The following NUP214 variants were observed in gnomAD, a reference collection of about 807,000 sequenced individuals.
The protein encoded by NUP214 is nucleoporin 214, also known as nuclear pore complex protein Nup214.
Under a neutral mutation model 196.2 loss-of-function variants are expected in NUP214, and 79 were observed. That is an observed-to-expected ratio of 0.40 (90% CI 0.34 to 0.49). The LOEUF is 0.49. NUP214 is among the 20% of genes least tolerant of loss of function. The probability of loss-of-function intolerance (pLI) is 0.58; values close to 1 mark genes in which losing one functional copy is unlikely to be tolerated. For synonymous variants in NUP214, 1,020 were observed against 990.5 expected (o/e 1.03, Z -0.56); for missense variants, 2,468 against 2,539.0 (o/e 0.97, Z 0.60).
chr9:131,150,595 C>T (rs749653442), intron 15 of NUP214, 21 bp from the exon 16 acceptor site: 16 of 1,608,794 alleles, frequency 9.9e-6, no homozygotes, highest in Middle Eastern at 1.7e-4. Flanking sequence ...CTGAGTAGTT[C>T]CTCACTTGTG....
chr9:131,153,772 G>A (rs905535626), intron 17 of NUP214, among the ~76,000 whole-genome samples: 4 of 152,192 alleles, frequency 2.6e-5, no homozygotes, highest in Non-Finnish European at 5.9e-5. Flanking sequence ...CCTTGAACCT[G>A]GGCAGTCTGA....
chr9:131,155,022 G>A (rs937247910), intron 17 of NUP214, among the ~76,000 whole-genome samples: 10 of 152,202 alleles, frequency 6.6e-5, no homozygotes, highest in Non-Finnish European at 1.5e-4. Context: ...TAGTAGGATT[G>A]CTGGATCAAA....
At chr9:131,226,402 T>C (rs913490622) in intron 32 of NUP214, among the ~76,000 whole-genome samples, 1 of 152,128 alleles carries the variant, frequency 6.6e-6, no homozygotes, top group African/African-American at 2.4e-5. Context: ...CCAGGTGTGT[T>C]GTTTGGGGGC....
At chr9:131,133,471 AT>A (rs532268977) in intron 7 of NUP214, among the ~76,000 whole-genome samples, 180 of 145,448 alleles carry the variant, frequency 1.2e-3, no homozygotes, top group Middle Eastern at 3.6e-3. Context: ...TGCCTGGCTA[AT>A]TTTTTTTTTT....
At chr9:131,213,349 AT>A (rs1834300606) in intron 30 of NUP214, among the ~76,000 whole-genome samples, 1 of 151,912 alleles carries the variant, frequency 6.6e-6, no homozygotes, top group Non-Finnish European at 1.5e-5. Context: ...CTAATTTTGT[AT>A]TTTTAGTAGA....
At chr9:131,230,179 C>T (rs547545511) in intron 33 of NUP214, 1 of 180,198 alleles carries the variant, frequency 5.5e-6, no homozygotes, top group Admixed American at 5.5e-5. Context: ...AATACAAAAT[C>T]CTGAATGAAA....
In NUP214 at chr9:131,144,543, T is replaced by C; in HGVS notation, c.1558T>C (p.Phe520Leu). Residue 520 changes from phenylalanine to leucine, a missense_variant, in exon 12 of 36, where the codon TTC (phenylalanine) becomes CTC (leucine). This residue lies in a region of NUP214 where 1,801 missense variants were observed against 1,779.4 expected (regional missense o/e 1.01). Transcript: ENST00000359428. ...KAAPGPGPST[F>L]SFVPPSKASL... ...AGCCCCAGGCCCTGGCCCATCAACCTTCTCTTTTGTTCCCCCTTCTAAAGC... is the reference window on the plus strand; with the variant it reads ...AGCCCCAGGCCCTGGCCCATCAACCCTCTCTTTTGTTCCCCCTTCTAAAGC... 3 of 1,614,108 alleles carry C rather than the reference T, an allele frequency of 1.9e-6. No individual in the cohort carries two copies. Among genetic ancestry groups the C allele is most frequent in the Non-Finnish European group, 2.5e-6 (3 of 1,180,008 alleles).
At chr9:131,128,032 A>C (rs575676711) in intron 2 of NUP214, among the ~76,000 whole-genome samples, 2 of 152,306 alleles carry the variant, frequency 1.3e-5, no homozygotes, top group East Asian at 1.9e-4. Context: ...TTCAGTTGGC[A>C]CAACAGTATG....
chr9:131,142,244 G>C (rs1250054735), intron 11 of NUP214, among the ~76,000 whole-genome samples: 2 of 152,186 alleles, frequency 1.3e-5, no homozygotes, highest in Non-Finnish European at 2.9e-5. Flanking sequence ...GGAGCCTCTG[G>C]GATGGGACGA....
At chr9:131,167,883 C>T (rs1471903742) in intron 21 of NUP214, among the ~76,000 whole-genome samples, 1 of 152,008 alleles carries the variant, frequency 6.6e-6, no homozygotes, top group East Asian at 1.9e-4. Context: ...AACAGAAGTT[C>T]GTTTTTGTTT....
At chr9:131,132,512 A>G (rs1831587380) in intron 5 of NUP214, 84 bp from the exon 6 acceptor site, 2 of 1,185,772 alleles carry the variant, frequency 1.7e-6, no homozygotes, top group Non-Finnish European at 2.5e-6. Flanking sequence ...GGTAGCATCT[A>G]AGGAATAGAT....
intron 16 of NUP214, among the ~76,000 whole-genome samples, chr9:131,151,012 T>C (rs1391574142): frequency 6.6e-6 from 1 of 152,236 alleles, no homozygotes; most frequent in Non-Finnish European, 1.5e-5. Flanking sequence ...TAAGATGGAC[T>C]AAGTTTCTAT....
chr9:131,188,145 C>T (rs1011248077), intron 25 of NUP214, among the ~76,000 whole-genome samples: 4 of 152,138 alleles, frequency 2.6e-5, no homozygotes, highest in African/African-American at 9.7e-5. Context: ...GTCCATTGCT[C>T]GTTTCACTAC....
chr9:131,210,935 C>CTT (rs1834224443), intron 30 of NUP214, among the ~76,000 whole-genome samples: 1 of 152,142 alleles, frequency 6.6e-6, no homozygotes, highest in Non-Finnish European at 1.5e-5. Flanking sequence ...ACAATGAATA[C>CTT]TATAAAACAT....
At chr9:131,133,873 T>G (rs548754808) in intron 7 of NUP214, among the ~76,000 whole-genome samples, 6 of 152,350 alleles carry the variant, frequency 3.9e-5, no homozygotes, top group African/African-American at 1.4e-4. Context: ...TAGGCACTGC[T>G]TTAAAGCTGA....
At chr9:131,231,050 T>G (rs547541081) in intron 34 of NUP214, among the ~76,000 whole-genome samples, 120 of 152,198 alleles carry the variant, frequency 7.9e-4, no homozygotes, top group African/African-American at 2.7e-3. Flanking sequence ...TGGTCCCAGC[T>G]ACTCGGGAGG....
Position 131,133,019 on chromosome 9 carries a change from A to G in NUP214, c.728-87A>G, listed in dbSNP as rs62580390. 3.6e-3 allele frequency: 3,436 copies of G among 955,802 alleles called. 11 individuals carry two copies. The highest frequency in any genetic ancestry group is 4.9e-3 in the Non-Finnish European group (2,906 of 595,222). The allele number at this position is 955,802 out of a possible 1,614,324, so 59.2% of individuals were successfully genotyped here. On this transcript the variant is annotated intron_variant, in intron 6 of 35. Coordinates refer to ENST00000359428, the MANE Select transcript of NUP214 (RefSeq NM_005085.4). Reference sequence around the variant, plus strand: ...AGGGCCTTTGATTTTTTTTTTATCCATAGTGGCTATTCCAAACATAAGCTG... The same window carrying G: ...AGGGCCTTTGATTTTTTTTTTATCCGTAGTGGCTATTCCAAACATAAGCTG...
intron 32 of NUP214, among the ~76,000 whole-genome samples, chr9:131,223,884 G>A (rs1222497998): frequency 8.0e-5 from 12 of 150,306 alleles, no homozygotes; most frequent in African/African-American, 2.4e-4. Context: ...ACAGGCGCCC[G>A]CCACCACGCC....
At chr9:131,161,781 A>G (rs1832643619) in intron 18 of NUP214, among the ~76,000 whole-genome samples, 1 of 152,178 alleles carries the variant, frequency 6.6e-6, no homozygotes, top group African/African-American at 2.4e-5. Context: ...CGATTTTGTC[A>G]TTATATGATC....
Sources: allele counts gnomAD v4.1 joint callset (sites outside exome capture counted in the v4.1 genomes callset), GRCh38; gene constraint gnomAD v4.1.1; regional missense constraint gnomAD v4.1.1; transcripts MANE v1.5; gene names NCBI Gene and HGNC (gene_info 2026-07-23, HGNC 2026-07-21).